ZNF541: variants seen among roughly 807,000 people sequenced by gnomAD.
ZNF541 encodes the protein zinc finger protein 541.
In ZNF541, 23 loss-of-function variants were observed where a neutral mutation model predicts 123.5. The ratio of observed to expected loss-of-function variants is 0.19; its 90% CI spans 0.13 to 0.26. The LOEUF is 0.26. Ranked by LOEUF, ZNF541 falls within the 10% of genes least tolerant of loss-of-function variation. The pLI is 1.00. For synonymous variants in ZNF541, 751 were observed against 754.5 expected, an observed-to-expected ratio of 1.00 and a Z score of 0.08; for missense variants, 1,612 against 1,789.9, an observed-to-expected ratio of 0.90 and a Z score of 1.79.
chr19:47,540,179 C>T lies in ZNF541; in HGVS notation c.2619G>A (p.Pro873=), dbSNP rs757738762. 3.9e-5 allele frequency: 61 copies of T among 1,549,992 alleles called. No individual in the cohort carries two copies. In the Middle Eastern group the frequency reaches 6.9e-4, roughly 18 times the overall value. Residue 873 remains proline, a synonymous_variant, in exon 7 of 17, where the codon CCG becomes CCA. Coordinates refer to ENST00000391901, the MANE Select transcript of ZNF541 (RefSeq NM_001277075.3). ...GCCACTGGTCGTCCCCCTTCACCTG[C>T]GGTTCCTGCTTCCCTCGAGGTGACG... is the stretch of plus-strand genomic sequence containing the variant. The part of the protein sequence containing the change: ...QWPSPRGKQE[P]QVFGTEFCKP...
At chr19:47,547,701 A>G (rs1970413712) in intron 4 of ZNF541, among the ~76,000 whole-genome samples, 1 of 152,134 alleles carries the variant, frequency 6.6e-6, no homozygotes, top group East Asian at 1.9e-4. Flanking sequence ...TAAGAATGCT[A>G]AGTACTTTCA....
Position 47,544,227 on chromosome 19 carries a change from A to G in ZNF541, c.2302T>C (p.Cys768Arg). Residue 768 changes from cysteine (C) to arginine (R), a missense_variant, in exon 5 of 17, where the codon TGT becomes CGT. Around this residue, in one of 5 missense-constraint regions of ZNF541, gnomAD observed 1,080 missense variants for 1,013.8 expected, o/e 1.07. Transcript: ENST00000391901. ...GCTACCTGGCTCGGAGAAGCCGCACAGCACATATCCATCTTCGCCTTCTCT... is the reference window on the plus strand; with the variant it reads ...GCTACCTGGCTCGGAGAAGCCGCACGGCACATATCCATCTTCGCCTTCTCT... ...RKEKAKMDMC[C>R]AASPSQVAMA... is the part of the protein sequence containing the mutation. The G allele has an allele frequency of 2.6e-6, 4 of 1,551,616 alleles. No individual in the cohort carries two copies. The highest frequency in any genetic ancestry group is 3.5e-6 in the Non-Finnish European group (4 of 1,146,996).
intron 2 of ZNF541, among the ~76,000 whole-genome samples, chr19:47,566,557 C>T (rs1971270319): frequency 6.6e-6 from 1 of 151,692 alleles, no homozygotes; most frequent in African/African-American, 2.4e-5. Flanking sequence ...ACCAGCCTGA[C>T]CAATATAGTG....
intron 14 of ZNF541, among the ~76,000 whole-genome samples, chr19:47,525,914 T>A (rs1599942356): frequency 1.3e-5 from 1 of 77,244 alleles, no homozygotes; most frequent in East Asian, 4.0e-4. Context: ...AGACTCCGTC[T>A]CACAAAAAAA....
At position 47,555,678 on chromosome 19, in the gene ZNF541, G is replaced by A. The variant is rs370590971; in HGVS notation, c.179C>T (p.Thr60Met). 3.8e-5 allele frequency: 59 copies of A among 1,551,732 alleles called. No individual in the cohort carries two copies. Among genetic ancestry groups the A allele is most frequent in the African/African-American group, 1.2e-4 (9 of 73,162 alleles). ...SGLDPDPSLP[T>M]PDMSSEVLED... ...CAGCACCTCGCTGGACATGTCAGGC[G>A]TTGGGAGGCTGGGGTCCGGGTCCAG... The change falls in exon 3 of 17, where the codon ACG becomes ATG. Residue 60 changes from threonine (T) to methionine (M), a missense_variant. Around this residue, in one of 5 missense-constraint regions of ZNF541, gnomAD observed 212 missense variants for 289.6 expected, o/e 0.73. Transcript: ENST00000391901.
chr19:47,572,255 A>T (rs1189365174), intron 1 of ZNF541, among the ~76,000 whole-genome samples: 1 of 152,216 alleles, frequency 6.6e-6, no homozygotes, highest in Admixed American at 6.6e-5. Flanking sequence ...GAAGAGACCT[A>T]GAGAATTTTA....
Position 47,545,965 on chromosome 19 carries a change from G to A in ZNF541, c.564C>T (p.Leu188=). The change falls in exon 5 of 17, where the codon CTC becomes CTT. Residue 188 remains leucine, a synonymous_variant. Transcript: ENST00000391901. The surrounding 1 kb of genome is among the most constrained non-coding windows in gnomAD (Gnocchi z 7.5). ...KRQDHLTGHM[L]THQKTKPFVC... ...CGAAGGGCTTTGTCTTCTGGTGGGT[G>A]AGCATGTGCCCGGTCCTGGAGCCAG... 4 of 1,485,038 alleles carry A rather than the reference G, an allele frequency of 2.7e-6. No individual in the cohort carries two copies. The highest frequency in any genetic ancestry group is 2.7e-6 in the Non-Finnish European group (3 of 1,109,834). 92.0% of individuals were successfully genotyped at this position (1,485,038 alleles called of 1,614,324 possible).
intron 9 of ZNF541, among the ~76,000 whole-genome samples, chr19:47,535,232 C>T (rs148140884): frequency 1.3e-5 from 2 of 152,260 alleles, no homozygotes; most frequent in Admixed American, 6.5e-5. Flanking sequence ...GCATTACAGG[C>T]GTGAGCCACC....
In ZNF541 at chr19:47,545,384, T is replaced by A. The variant is rs1443972399; in HGVS notation, c.1145A>T (p.Glu382Val). 1 of 1,524,774 alleles carries A rather than the reference T, an allele frequency of 6.6e-7. No individual in the cohort carries two copies. 94.5% of individuals were successfully genotyped at this position (1,524,774 alleles called of 1,614,324 possible). Residue 382 changes from glutamate to valine, a missense_variant, in exon 5 of 17, where the codon GAG (glutamate) becomes GTG (valine). Glu to Val is a moderately radical substitution (Grantham distance 121). Transcript: ENST00000391901. The surrounding 1 kb of genome is among the most constrained non-coding windows in gnomAD (Gnocchi z 7.5). Reference sequence around the variant, plus strand: ...CACGGAGCCGCCTTCGGGCCAGCACTCCGCGGTGGACCGGGCCTGGAGCAG... The same window carrying A: ...CACGGAGCCGCCTTCGGGCCAGCACACCGCGGTGGACCGGGCCTGGAGCAG... ...TALLQARSTA[E>V]CWPEGGSVPA... is the part of the protein sequence containing the mutation.
chr19:47,543,266 A>AT (rs1360730089), intron 5 of ZNF541, among the ~76,000 whole-genome samples: 2 of 150,734 alleles, frequency 1.3e-5, no homozygotes, highest in Admixed American at 6.6e-5. Flanking sequence ...TGCCCAACTA[A>AT]TTTTTTTTAA....
intron 2 of ZNF541, among the ~76,000 whole-genome samples, chr19:47,567,878 C>T (rs1236062770): frequency 6.6e-6 from 1 of 152,186 alleles, no homozygotes; most frequent in Non-Finnish European, 1.5e-5. Context: ...GAGAACACTT[C>T]CAACATAACA....
At chr19:47,557,388 A>G (rs916673205) in intron 2 of ZNF541, among the ~76,000 whole-genome samples, 4 of 152,206 alleles carry the variant, frequency 2.6e-5, no homozygotes, top group Non-Finnish European at 5.9e-5. Context: ...CCAGTGAGAG[A>G]TGACAAAGCT....
At chr19:47,571,443 G>C (rs1971475224) in intron 2 of ZNF541, among the ~76,000 whole-genome samples, 1 of 152,208 alleles carries the variant, frequency 6.6e-6, no homozygotes, top group Admixed American at 6.5e-5. Flanking sequence ...TGTGTTGCTA[G>C]CATTTAAAAA....
Position 47,559,375 on chromosome 19 carries a change from AAAAAGAAAGAAAG to A in ZNF541, c.-98-3434_-98-3422del, listed in dbSNP as rs1208546311. 3.3e-5 allele frequency among the ~76,000 whole-genome samples: 5 copies of A among 151,900 alleles called. No individual in the cohort carries two copies. In the East Asian group the frequency reaches 7.9e-4, roughly 24 times the overall value. On this transcript the variant is annotated intron_variant, in intron 2 of 16. Transcript: ENST00000391901. ...CAACAGAGTGAAACTCTATCTCAAA[AAAAAGAAAGAAAG>A]AAAAGAAAGAAAGAAGGAAGGAAGG...
At chr19:47,523,530 A>T (rs966372246) in intron 14 of ZNF541, among the ~76,000 whole-genome samples, 3 of 151,984 alleles carry the variant, frequency 2.0e-5, no homozygotes, top group Non-Finnish European at 2.9e-5. Context: ...CACTAAGTTT[A>T]AAAAAAAGTT....
At chr19:47,529,691 G>A (rs547015041) in intron 12 of ZNF541, 39 bp from the exon 13 acceptor site, 6 of 1,532,104 alleles carry the variant, frequency 3.9e-6, no homozygotes, top group East Asian at 4.9e-5. Flanking sequence ...AGGACCAGGT[G>A]GGGGAAGAGG....
At chr19:47,561,803 C>T (rs1774468349) in intron 2 of ZNF541, among the ~76,000 whole-genome samples, 1 of 152,048 alleles carries the variant, frequency 6.6e-6, no homozygotes, top group Non-Finnish European at 1.5e-5. Context: ...ACTGACCACA[C>T]CCCACAAAGA....
chr19:47,533,591 C>T (rs530885097), intron 9 of ZNF541, among the ~76,000 whole-genome samples: 63 of 152,018 alleles, frequency 4.1e-4, no homozygotes, highest in African/African-American at 1.4e-3. Context: ...GCCTGTAATC[C>T]CAGCACTTTG....
chr19:47,538,623 G>A lies in ZNF541; in HGVS notation c.2797-184C>T, dbSNP rs186303585. On this transcript the variant is annotated intron_variant, in intron 8 of 16. Transcript: ENST00000391901. ...GACGTACTGAGCCTGGCGATGATCCGGCTGCAGCCTTCTCCTGCACCCACT... is the reference window on the plus strand; with the variant it reads ...GACGTACTGAGCCTGGCGATGATCCAGCTGCAGCCTTCTCCTGCACCCACT... 1.1e-3 allele frequency: 659 copies of A among 582,002 alleles called. 4 individuals carry two copies. The highest frequency in any genetic ancestry group is 0.011 in the African/African-American group (568 of 52,980). 36.1% of individuals were successfully genotyped at this position (582,002 alleles called of 1,614,324 possible).
Sources: allele counts gnomAD v4.1 joint callset (sites outside exome capture counted in the v4.1 genomes callset), GRCh38; gene constraint gnomAD v4.1.1; regional missense constraint gnomAD v4.1.1; non-coding constraint Gnocchi (gnomAD v3.1); transcripts MANE v1.5; gene names NCBI Gene and HGNC (gene_info 2026-07-23, HGNC 2026-07-21).